Variants in DYNC2H1 observed in about 807,000 individuals in gnomAD.
DYNC2H1 encodes cytoplasmic dynein 2 heavy chain 1.
Under a neutral mutation model 570.0 loss-of-function variants are expected in DYNC2H1, and 410 were observed. That is an observed-to-expected ratio of 0.72 (90% CI 0.66 to 0.78). The LOEUF (loss-of-function observed/expected upper bound fraction) is 0.78, where lower values mean the gene tolerates loss of function less well. Among genes scored for constraint, DYNC2H1 ranks in the 30% least tolerant of loss-of-function variants. The probability of loss-of-function intolerance (pLI) is 0.00; values close to 1 mark genes in which losing one functional copy is unlikely to be tolerated. For synonymous variants in DYNC2H1, 1,688 were observed against 1,677.6 expected (o/e 1.01, Z -0.15); for missense variants, 4,865 against 5,046.4 (o/e 0.96, Z 1.09).
intron 72 of DYNC2H1, among the ~76,000 whole-genome samples, 166 bp downstream of exon 72, chr11:103,282,395 G>A (rs924769897): frequency 6.6e-6 from 1 of 151,908 alleles, no homozygotes; most frequent in Non-Finnish European, 1.5e-5. Flanking sequence ...AAATAGACAA[G>A]TATATTTGTT....
intron 88 of DYNC2H1, among the ~76,000 whole-genome samples, chr11:103,470,243 C>T (rs1945328505): frequency 6.6e-6 from 1 of 152,066 alleles, no homozygotes; most frequent in Non-Finnish European, 1.5e-5. Context: ...GATAGCTTGG[C>T]AATATTTTAC....
In DYNC2H1 at chr11:103,109,658, G is replaced by T; in HGVS notation, c.84G>T (p.Trp28Cys). The T allele has an allele frequency of 6.2e-7, 1 of 1,613,938 alleles. No individual in the cohort carries two copies. Among genetic ancestry groups the T allele is most frequent in the South Asian group, 1.1e-5 (1 of 91,080 alleles). Residue 28 changes from tryptophan (W) to cysteine (C), a missense_variant, in exon 1 of 89, where the codon TGG becomes TGT. Transcript: ENST00000375735. Reference protein sequence around the residue: ...QNYFGLMSELWDQPLLCNCLE... With the variant: ...QNYFGLMSELCDQPLLCNCLE... ...ACTTCGGGTTGATGTCTGAACTCTG[G>T]GATCAGCCACTGTTGTGCAACTGTC...
chr11:103,442,579 T>C (rs1175245520), intron 85 of DYNC2H1, among the ~76,000 whole-genome samples: 1 of 152,186 alleles, frequency 6.6e-6, no homozygotes, highest in Admixed American at 6.5e-5. Flanking sequence ...CTCTATGGTC[T>C]ACAATGATAT....
chr11:103,190,168 A>G (rs1862237195), intron 45 of DYNC2H1, among the ~76,000 whole-genome samples: 1 of 152,190 alleles, frequency 6.6e-6, no homozygotes, highest in Admixed American at 6.5e-5. Flanking sequence ...CAAACCTGCA[A>G]GCAGTCTTTG....
intron 84 of DYNC2H1, chr11:103,405,272 G>A (rs374331743): frequency 6.6e-6 from 1 of 151,876 alleles, no homozygotes; most frequent in South Asian, 2.1e-4. Flanking sequence ...GGAGGAGAAG[G>A]ACTGCTGTAA....
intron 69 of DYNC2H1, among the ~76,000 whole-genome samples, chr11:103,258,461 G>A (rs1157606179): frequency 6.6e-6 from 1 of 152,166 alleles, no homozygotes; most frequent in Non-Finnish European, 1.5e-5. Flanking sequence ...ATTTAGTCAG[G>A]ACTCAGCAGG....
chr11:103,166,054 G>GA lies in DYNC2H1; in HGVS notation c.4762+10dup. 6.7e-7 allele frequency: 1 copy of GA among 1,494,022 alleles called. No individual in the cohort carries two copies. Among genetic ancestry groups the GA allele is most frequent in the African/African-American group, 1.4e-5 (1 of 71,048 alleles). 92.5% of individuals were successfully genotyped at this position (1,494,022 alleles called of 1,614,324 possible). ...TGAGGATCCAGGGAATACTGGTATGGAAAAGACATTCCCTTTTCTGCCTGG... is the reference window on the plus strand; with the variant it reads ...TGAGGATCCAGGGAATACTGGTATGGAAAAAGACATTCCCTTTTCTGCCTGG... On this transcript the variant is annotated splice_region_variant and intron_variant, in intron 31 of 88. Transcript: ENST00000375735.
At chr11:103,470,007 G>A (rs531245166) in intron 88 of DYNC2H1, among the ~76,000 whole-genome samples, 19 of 151,902 alleles carry the variant, frequency 1.3e-4, no homozygotes, top group Non-Finnish European at 2.8e-4. Context: ...TAATGATCAT[G>A]AGGAGGAAAA....
At chr11:103,110,136 C>A (rs1338431817) in intron 1 of DYNC2H1, among the ~76,000 whole-genome samples, 1 of 152,106 alleles carries the variant, frequency 6.6e-6, no homozygotes, top group Non-Finnish European at 1.5e-5. Context: ...TCAAGCGATT[C>A]TCGTGCCTCA....
At chr11:103,137,433 C>G (rs1417852238) in intron 17 of DYNC2H1, among the ~76,000 whole-genome samples, 2 of 151,994 alleles carry the variant, frequency 1.3e-5, no homozygotes, top group Non-Finnish European at 2.9e-5. Flanking sequence ...CCAGTTTCAG[C>G]TTTCTACATA....
intron 45 of DYNC2H1, among the ~76,000 whole-genome samples, 187 bp from the exon 46 acceptor site, chr11:103,191,330 C>T (rs566160789): frequency 2.6e-5 from 4 of 152,068 alleles, no homozygotes; most frequent in Admixed American, 1.3e-4. Flanking sequence ...TGAGCAACTG[C>T]GCCCGACCAG....
chr11:103,389,501 T>G (rs1368094742), intron 83 of DYNC2H1, among the ~76,000 whole-genome samples: 5 of 152,036 alleles, frequency 3.3e-5, no homozygotes, highest in Admixed American at 6.6e-5. Flanking sequence ...ATTTCCTTCA[T>G]TTCTGCTCTG....
intron 53 of DYNC2H1, 60 bp from the exon 54 acceptor site, chr11:103,211,729 C>G (rs928457377): frequency 2.2e-5 from 15 of 666,802 alleles, no homozygotes; most frequent in Middle Eastern, 8.6e-4. Context: ...AGGATATTTT[C>G]TCTTATTTTT....
chr11:103,162,944 T>A, intron 29 of DYNC2H1, 84 bp from the exon 30 acceptor site: 1 of 1,236,070 alleles, frequency 8.1e-7, no homozygotes, highest in Admixed American at 2.2e-5. Context: ...GTTAGTAGAT[T>A]GTATATTTAT....
intron 24 of DYNC2H1, 114 bp from the exon 25 acceptor site, chr11:103,155,217 G>T (rs1860756694): frequency 4.1e-6 from 4 of 968,740 alleles, no homozygotes; most frequent in Non-Finnish European, 5.9e-6. Flanking sequence ...ACAAGAAAAT[G>T]GAATAATTAA....
intron 70 of DYNC2H1, among the ~76,000 whole-genome samples, chr11:103,266,164 C>T (rs1865497218): frequency 6.6e-6 from 1 of 152,140 alleles, no homozygotes; most frequent in African/African-American, 2.4e-5. Flanking sequence ...AGTGCGGTTA[C>T]AGTGGGATTC....
chr11:103,422,916 A>C (rs1162842467), intron 84 of DYNC2H1, among the ~76,000 whole-genome samples: 2 of 152,186 alleles, frequency 1.3e-5, no homozygotes, highest in African/African-American at 4.8e-5. Flanking sequence ...TGCAGATGAC[A>C]TGATCCTATA....
intron 83 of DYNC2H1, among the ~76,000 whole-genome samples, chr11:103,399,141 T>G (rs1290292051): frequency 7.2e-6 from 1 of 139,752 alleles, no homozygotes; most frequent in African/African-American, 2.9e-5. Flanking sequence ...CCACACCGTT[T>G]TTTTTTTGTT....
chr11:103,312,110 G>C (rs1339977374), intron 79 of DYNC2H1, 77 bp downstream of exon 79: 3 of 1,455,810 alleles, frequency 2.1e-6, no homozygotes, highest in Non-Finnish European at 2.8e-6. Flanking sequence ...GCCAGGCATG[G>C]TGGCTCATGC....
Sources: allele counts gnomAD v4.1 joint callset (sites outside exome capture counted in the v4.1 genomes callset), GRCh38; gene constraint gnomAD v4.1.1; transcripts MANE v1.5; gene names NCBI Gene and HGNC (gene_info 2026-07-23, HGNC 2026-07-21).